The following REV1 variants were observed in gnomAD, a reference collection of about 807,000 sequenced individuals.
REV1 encodes REV1 DNA directed polymerase.
In REV1, 42 loss-of-function variants were observed where a neutral mutation model predicts 137.4. The observed-to-expected ratio is 0.31, with a 90% CI of 0.24 to 0.40. The LOEUF (loss-of-function observed/expected upper bound fraction) is 0.40. Ranked by LOEUF, REV1 falls within the 10% of genes least tolerant of loss-of-function variation. REV1 has a pLI of 1.00. For missense variants in REV1, 1,282 were observed against 1,490.1 expected (o/e 0.86, Z 2.30); for synonymous variants, 524 against 519.2 (o/e 1.01, Z -0.12).
chr2:99,445,712 CA>C (rs1005588777), intron 4 of REV1, among the ~76,000 whole-genome samples: 1 of 152,124 alleles, frequency 6.6e-6, no homozygotes, highest in African/African-American at 2.4e-5. Flanking sequence ...GTGAGATTTA[CA>C]AAACAAAGGT....
intron 3 of REV1, among the ~76,000 whole-genome samples, chr2:99,450,441 T>C (rs1310580425): frequency 2.6e-5 from 4 of 152,200 alleles, no homozygotes; most frequent in Non-Finnish European, 5.9e-5. Context: ...AGTTTCCACA[T>C]GTGGCTTATC....
chr2:99,404,413 C>G (rs921743732), intron 18 of REV1, 31 bp downstream of exon 18: 3 of 1,548,568 alleles, frequency 1.9e-6, no homozygotes, highest in Admixed American at 3.4e-5. Context: ...AATATTGAAA[C>G]TACAGCAGAG....
rs766124020 is a variant in REV1 at position 99,487,992 on chromosome 2, T to A, written c.-11+1825A>T. 3.4e-5 allele frequency among the ~76,000 whole-genome samples: 4 copies of A among 119,210 alleles called. 1 individual carries two copies. Among genetic ancestry groups the A allele is most frequent in the Admixed American group, 1.1e-4 (1 of 9,412 alleles). 78.2% of individuals were successfully genotyped at this position (119,210 alleles called of 152,430 possible). A position where few individuals can be genotyped will look rare whatever the true frequency, so the allele number is the denominator to read the frequency against. ...CAGCTACCCAAGGTGGGAAATGGTA[T>A]CTTCATTCTACAAACGAGAAAAAAT... is the stretch of plus-strand genomic sequence containing the variant. On this transcript the variant is annotated intron_variant, in intron 1 of 22. Coordinates refer to ENST00000258428, the MANE Select transcript of REV1 (RefSeq NM_016316.4).
intron 5 of REV1, 43 bp from the exon 6 acceptor site, chr2:99,439,353 T>C: frequency 7.2e-7 from 1 of 1,388,976 alleles, no homozygotes. Context: ...ATCTGACTTT[T>C]AGGTTAAAAC....
intron 1 of REV1, among the ~76,000 whole-genome samples, chr2:99,489,455 T>A (rs4851208): frequency 0.43 from 64,771 of 150,644 alleles, 14,171 homozygotes; most frequent in Admixed American, 0.58. Flanking sequence ...CGGCGCGGTC[T>A]GACCGGGCCG....
At position 99,435,875 on chromosome 2, in the gene REV1, A is replaced by C. The variant is rs1384186719; in HGVS notation, c.1280T>G (p.Phe427Cys). 1 of 1,608,558 alleles carries C rather than the reference A, an allele frequency of 6.2e-7. No homozygotes were observed. Among genetic ancestry groups the C allele is most frequent in the Admixed American group, 1.7e-5 (1 of 59,804 alleles). The change falls in exon 7 of 23, where the codon TTC becomes TGC. Residue 427 changes from phenylalanine (F) to cysteine (C), a missense_variant. By Grantham distance (205) the Phe-to-Cys change is radical. Around this residue, in one of 7 missense-constraint regions of REV1, gnomAD observed 432 missense variants for 438.0 expected, o/e 0.99. Transcript: ENST00000258428. ...SCIMHVDMDCFFVSVGIRNRP... is the reference protein window; with the variant it reads ...SCIMHVDMDCCFVSVGIRNRP... ...ATTTCGTATACCCACTGATACAAAG[A>C]AGCAATCCATATCAACATGCATTAT...
chr2:99,460,006 T>C (rs1334198544), intron 3 of REV1, among the ~76,000 whole-genome samples: 1 of 152,160 alleles, frequency 6.6e-6, no homozygotes, highest in Non-Finnish European at 1.5e-5. Flanking sequence ...CACAGCTTCT[T>C]TTACAGTGAA....
At position 99,424,231 on chromosome 2, in the gene REV1, A is replaced by G. The variant is rs1186048861; in HGVS notation, c.1597T>C (p.Cys533Arg). 1 of 1,613,994 alleles carries G rather than the reference A, an allele frequency of 6.2e-7. No homozygotes were observed. The highest frequency in any genetic ancestry group is 1.1e-5 in the South Asian group (1 of 91,060). Residue 533 changes from cysteine to arginine, a missense_variant, in exon 10 of 23, where the codon TGT becomes CGT. Cys to Arg is a radical substitution (Grantham distance 180). This residue lies in a region of REV1 where 372 missense variants were observed against 482.3 expected (regional missense o/e 0.77). Coordinates refer to ENST00000258428, the MANE Select transcript of REV1 (RefSeq NM_016316.4). ...GMFFGHAKQLCPNLQAVPYDF... is the reference protein window; with the variant it reads ...GMFFGHAKQLRPNLQAVPYDF... Reference sequence around the variant, plus strand: ...TATGGAACAGCTTGAAGATTAGGACATAGTTGTTTAGCATGCCCAAAAAAC... The same window carrying G: ...TATGGAACAGCTTGAAGATTAGGACGTAGTTGTTTAGCATGCCCAAAAAAC...
At chr2:99,436,036 C>T in intron 6 of REV1, 95 bp from the exon 7 acceptor site, 1 of 751,058 alleles carries the variant, frequency 1.3e-6, no homozygotes, top group East Asian at 2.7e-5. Flanking sequence ...TTAAAACATG[C>T]TTACACCCAG....
intron 1 of REV1, among the ~76,000 whole-genome samples, chr2:99,480,542 A>C (rs959871040): frequency 4.6e-5 from 7 of 152,202 alleles, no homozygotes; most frequent in Non-Finnish European, 2.9e-5. Flanking sequence ...CTACACCATA[A>C]CGTATAAATC....
chr2:99,409,872 A>AG (rs1462632575), intron 14 of REV1, among the ~76,000 whole-genome samples: 4 of 125,822 alleles, frequency 3.2e-5, no homozygotes, highest in African/African-American at 8.3e-5. Flanking sequence ...CCCCCCAAAA[A>AG]AAACAGCGTT....
intron 4 of REV1, among the ~76,000 whole-genome samples, chr2:99,444,319 C>A (rs1038364033): frequency 1.3e-5 from 2 of 152,200 alleles, no homozygotes; most frequent in Non-Finnish European, 2.9e-5. Context: ...GAAACTACAC[C>A]CACTGTGCCA....
intron 10 of REV1, 22 bp downstream of exon 10, chr2:99,424,130 A>G (rs372517401): frequency 2.5e-6 from 4 of 1,606,828 alleles, no homozygotes; most frequent in Non-Finnish European, 2.5e-6. Flanking sequence ...CAGACACAAA[A>G]TGACAGTTTG....
chr2:99,440,304 C>T (rs1681316218), intron 5 of REV1, among the ~76,000 whole-genome samples: 1 of 152,212 alleles, frequency 6.6e-6, no homozygotes, highest in Admixed American at 6.5e-5. Context: ...ATGTCCATAG[C>T]ATTAATTCAA....
rs1250165197 is a variant in REV1, at chr2:99,406,425, T to C, written c.2514A>G (p.Pro838=). Residue 838 remains proline, a synonymous_variant, in exon 16 of 23, where the codon CCA becomes CCG. Coordinates refer to ENST00000258428, the MANE Select transcript of REV1 (RefSeq NM_016316.4). The part of the protein sequence containing the change: ...NLNPSTCPSR[P]SVQSSHFPSG... ...TAGGAAAGTGGCTTGACTGAACTGA[T>C]GGGCGACTGGGACATGTGGAAGGGT... 3 of 1,613,882 alleles carry C rather than the reference T, an allele frequency of 1.9e-6. No homozygotes were observed. The highest frequency in any genetic ancestry group is 2.5e-6 in the Non-Finnish European group (3 of 1,179,830).
intron 1 of REV1, among the ~76,000 whole-genome samples, chr2:99,484,350 A>G (rs934512345): frequency 6.6e-6 from 1 of 152,172 alleles, no homozygotes; most frequent in African/African-American, 2.4e-5. Flanking sequence ...TATAACAAAC[A>G]TTCATATGTA....
intron 1 of REV1, among the ~76,000 whole-genome samples, chr2:99,475,915 G>A (rs1040208751): frequency 6.6e-6 from 1 of 152,142 alleles, no homozygotes; most frequent in Non-Finnish European, 1.5e-5. Flanking sequence ...CCTAAGAGGC[G>A]GAGGTTGCAG....
chr2:99,488,657 C>A (rs1363811786), intron 1 of REV1, among the ~76,000 whole-genome samples: 1 of 152,130 alleles, frequency 6.6e-6, no homozygotes, highest in Non-Finnish European at 1.5e-5. Flanking sequence ...GGTCCCTGCA[C>A]GGGCAAACCC....
At chr2:99,407,513 T>C (rs1001679733) in intron 15 of REV1, among the ~76,000 whole-genome samples, 7 of 151,580 alleles carry the variant, frequency 4.6e-5, no homozygotes, top group South Asian at 4.2e-4. Context: ...TACAACGCCA[T>C]TGCACTCCAG....
Sources: allele counts gnomAD v4.1 joint callset (sites outside exome capture counted in the v4.1 genomes callset), GRCh38; gene constraint gnomAD v4.1.1; regional missense constraint gnomAD v4.1.1; transcripts MANE v1.5; gene names NCBI Gene and HGNC (gene_info 2026-07-23, HGNC 2026-07-21).